SLC44A5: variants seen among roughly 807,000 people sequenced by gnomAD.
SLC44A5 encodes the protein solute carrier family 44 member 5.
In SLC44A5, 57 loss-of-function variants were observed where a neutral mutation model predicts 101.8. That is an observed-to-expected ratio of 0.56 (90% confidence interval 0.45 to 0.70). SLC44A5 has a LOEUF of 0.70. Among genes scored for constraint, SLC44A5 ranks in the 30% least tolerant of loss-of-function variants. The pLI, the probability that SLC44A5 is intolerant of heterozygous loss-of-function variation, is 0.00. For synonymous variants in SLC44A5, 281 were observed against 290.9 expected, an observed-to-expected ratio of 0.97 and a Z score of 0.35; for missense variants, 737 against 853.1, an observed-to-expected ratio of 0.86 and a Z score of 1.70.
intron 3 of SLC44A5, among the ~76,000 whole-genome samples, chr1:75,374,207 A>T (rs1660415683): frequency 6.6e-6 from 1 of 152,182 alleles, no homozygotes; most frequent in Non-Finnish European, 1.5e-5. Flanking sequence ...TCCCACAATC[A>T]TCCTCTGGGC....
intron 2 of SLC44A5, among the ~76,000 whole-genome samples, chr1:75,438,734 A>T (rs1557783925): frequency 2.0e-5 from 3 of 152,112 alleles, no homozygotes; most frequent in Admixed American, 6.6e-5. Flanking sequence ...TTCTGAAGAA[A>T]AGCATCCCAA....
At chr1:75,241,802 C>T (rs370624006) in intron 9 of SLC44A5, among the ~76,000 whole-genome samples, 199 bp downstream of exon 9, 36 of 152,126 alleles carry the variant, frequency 2.4e-4, no homozygotes, top group African/African-American at 6.3e-4. Flanking sequence ...TTCAAAAATT[C>T]AGAGTTCCAG....
At chr1:75,353,974 C>A in intron 3 of SLC44A5, 2 of 319,706 alleles carry the variant, frequency 6.3e-6, no homozygotes, top group Non-Finnish European at 1.2e-5. Flanking sequence ...ATTCTTCTTC[C>A]ACATTGTATT....
At chr1:75,619,074 A>AT in the SLC44A5 span, among the ~76,000 whole-genome samples, 13 of 18,648 alleles carry the variant, frequency 7.0e-4, no homozygotes, top group South Asian at 0.045. Flanking sequence ...CTGTCTCAAA[A>AT]AAAAAGGGGG....
intron 1 of SLC44A5, among the ~76,000 whole-genome samples, chr1:75,552,879 T>C (rs1672015789): frequency 8.7e-6 from 1 of 114,786 alleles, no homozygotes; most frequent in South Asian, 3.3e-4. Flanking sequence ...AAAACAATTA[T>C]AAATGATAAC....
chr1:75,203,970 C>A, intron 23 of SLC44A5, 137 bp from the exon 24 acceptor site: 1 of 1,060,814 alleles, frequency 9.4e-7, no homozygotes, highest in Non-Finnish European at 1.3e-6. Context: ...TTTTAAACAG[C>A]ATAGTTTGGC....
intron 2 of SLC44A5, among the ~76,000 whole-genome samples, chr1:75,529,154 C>T (rs1012292568): frequency 6.6e-6 from 1 of 152,152 alleles, no homozygotes; most frequent in Non-Finnish European, 1.5e-5. Flanking sequence ...CTGATAAATG[C>T]TTTGTTGGAT....
intron 4 of SLC44A5, among the ~76,000 whole-genome samples, chr1:75,336,036 G>A (rs1203806989): frequency 6.6e-6 from 1 of 151,944 alleles, no homozygotes; most frequent in East Asian, 1.9e-4. Flanking sequence ...ACAGAGGTGT[G>A]CATTCAATAT....
intron 3 of SLC44A5, among the ~76,000 whole-genome samples, chr1:75,368,462 A>G (rs1054495323): frequency 3.3e-5 from 5 of 152,352 alleles, no homozygotes. Flanking sequence ...CAGAACCCGT[A>G]AACACCAAAG....
intron 3 of SLC44A5, among the ~76,000 whole-genome samples, chr1:75,375,988 T>TGC (rs1289599441): frequency 6.6e-6 from 1 of 152,140 alleles, no homozygotes; most frequent in African/African-American, 2.4e-5. Context: ...GTGCACCGTG[T>TGC]GCGAGCCGAA....
chr1:75,585,815 G>A (rs1207845683), intron 1 of SLC44A5, among the ~76,000 whole-genome samples: 1 of 152,030 alleles, frequency 6.6e-6, no homozygotes, highest in Non-Finnish European at 1.5e-5. Context: ...TGATTCTAAT[G>A]GGGGACTCAT....
intron 6 of SLC44A5, among the ~76,000 whole-genome samples, chr1:75,267,328 G>GT (rs201050789): frequency 1.9e-4 from 28 of 151,084 alleles, no homozygotes; most frequent in South Asian, 2.1e-4. Context: ...TGTTTATCTG[G>GT]TTTTTTTTTC....
chr1:75,305,130 A>G (rs1335678848), intron 4 of SLC44A5, among the ~76,000 whole-genome samples: 1 of 152,128 alleles, frequency 6.6e-6, no homozygotes, highest in Non-Finnish European at 1.5e-5. Context: ...CCTACCTCTA[A>G]TCCACAAATA....
chr1:75,565,160 C>G (rs1378554719), intron 1 of SLC44A5, among the ~76,000 whole-genome samples: 1 of 152,208 alleles, frequency 6.6e-6, no homozygotes, highest in Non-Finnish European at 1.5e-5. Flanking sequence ...CCAAAACCAT[C>G]ACTATGCCAG....
At chr1:75,369,037 G>A (rs950746605) in intron 3 of SLC44A5, among the ~76,000 whole-genome samples, 9 of 151,072 alleles carry the variant, frequency 6.0e-5, no homozygotes, top group Admixed American at 5.3e-4. Context: ...TTTAAAGACA[G>A]GTTCTCACTC....
intron 10 of SLC44A5, among the ~76,000 whole-genome samples, chr1:75,237,914 T>C (rs1449134374): frequency 1.3e-5 from 2 of 151,654 alleles, no homozygotes; most frequent in Admixed American, 6.6e-5. Context: ...TGCAGCGATA[T>C]GCTGTACACA....
chr1:75,243,028 T>C lies in SLC44A5; in HGVS notation c.346-17A>G, dbSNP rs761082609. ...GACACAGATCTGTGAACGAACAAAG[T>C]GATGAGAACTGAACTGAGTTGAACA... is the stretch of plus-strand genomic sequence containing the variant. On this transcript the variant is annotated splice_polypyrimidine_tract_variant and intron_variant, in intron 7 of 23. Transcript: ENST00000370859. The C allele has an allele frequency of 6.2e-7, 1 of 1,607,048 alleles. No individual in the cohort carries two copies. Among genetic ancestry groups the C allele is most frequent in the Admixed American group, 1.7e-5 (1 of 59,094 alleles).
At chr1:75,604,614 T>C (rs1350230545) in intron 1 of SLC44A5, among the ~76,000 whole-genome samples, 5 of 151,994 alleles carry the variant, frequency 3.3e-5, no homozygotes, top group African/African-American at 9.7e-5. Context: ...CTTTGGGGAG[T>C]TTGACCATTT....
chr1:75,293,507 T>C (rs1653732078), intron 5 of SLC44A5, among the ~76,000 whole-genome samples: 1 of 152,226 alleles, frequency 6.6e-6, no homozygotes, highest in South Asian at 2.1e-4. Flanking sequence ...TTAACTGTTT[T>C]AATATGTGAG....
Sources: allele counts gnomAD v4.1 joint callset (sites outside exome capture counted in the v4.1 genomes callset), GRCh38; gene constraint gnomAD v4.1.1; transcripts MANE v1.5; gene names NCBI Gene and HGNC (gene_info 2026-07-23, HGNC 2026-07-21).